The following GORAB variants were observed in gnomAD, a reference collection of about 807,000 sequenced individuals.
GORAB encodes the protein RAB6-interacting golgin.
A neutral mutation model predicts 29.9 loss-of-function variants in GORAB; 17 were observed. The observed-to-expected ratio is 0.57, with a 90% CI of 0.39 to 0.85. The LOEUF (loss-of-function observed/expected upper bound fraction) is 0.85. GORAB is among the 40% of genes least tolerant of loss of function. The probability of loss-of-function intolerance (pLI) is 0.00; values close to 1 mark genes in which losing one functional copy is unlikely to be tolerated. For missense variants in GORAB, 442 were observed against 437.8 expected (o/e 1.01, Z -0.09); for synonymous variants, 183 against 157.2 (o/e 1.16, Z -1.23).
intron 3 of GORAB, 98 bp downstream of exon 3, chr1:170,542,690 T>G (rs949738906): frequency 4.7e-6 from 4 of 843,064 alleles, no homozygotes; most frequent in Non-Finnish European, 8.3e-6. Context: ...AAACTGATAT[T>G]TTTTCTTCAA....
At chr1:170,551,881 T>C in intron 4 of GORAB, 134 bp from the exon 5 acceptor site, 2 of 762,384 alleles carry the variant, frequency 2.6e-6, no homozygotes, top group Non-Finnish European at 2.2e-6. Flanking sequence ...CAAGTGTTTG[T>C]AAAGTAGTAA....
chr1:170,545,168 A>G, intron 4 of GORAB: 1 of 1,032,010 alleles, frequency 9.7e-7, no homozygotes. Flanking sequence ...TAGCAAAGTA[A>G]ATATCTGAGT....
At chr1:170,544,981 T>G in intron 4 of GORAB, 136 bp downstream of exon 4, 4 of 1,412,618 alleles carry the variant, frequency 2.8e-6, no homozygotes, top group Non-Finnish European at 3.7e-6. Flanking sequence ...TATTCTTCTT[T>G]TGTGCTAATT....
chr1:170,541,739 T>A (rs1305989368), intron 2 of GORAB, among the ~76,000 whole-genome samples: 3 of 152,180 alleles, frequency 2.0e-5, no homozygotes, highest in African/African-American at 7.2e-5. Context: ...TGTAAGACAA[T>A]ACATGTTTTC....
At chr1:170,534,870 G>T (rs1169407408) in intron 1 of GORAB, among the ~76,000 whole-genome samples, 1 of 152,166 alleles carries the variant, frequency 6.6e-6, no homozygotes, top group Non-Finnish European at 1.5e-5. Context: ...GTGGGGAGGC[G>T]TGGGAATGTG....
In GORAB at chr1:170,552,207, T is replaced by G. The variant is rs771808475; in HGVS notation, c.855T>G (p.Leu285=). The G allele has an allele frequency of 7.4e-6, 12 of 1,613,850 alleles. No homozygotes were observed. The highest frequency in any genetic ancestry group is 9.3e-6 in the Non-Finnish European group (11 of 1,179,956). The change falls in exon 5 of 5, where the codon CTT becomes CTG. Residue 285 remains leucine (L), a synonymous_variant. Coordinates refer to ENST00000367763, the MANE Select transcript of GORAB (RefSeq NM_152281.3). ...DVEADEETLE[L]EVEVERLLHE... ...AAGCCGATGAAGAGACTTTGGAGCT[T>G]GAGGTGGAGGTCGAGAGATTGCTAC...
rs1303593589 is a variant in GORAB, at chr1:170,539,460, A to C, written c.312A>C (p.Glu104Asp). Reference protein sequence around the residue: ...PVGDGQPQGIESQPKELGLEN... With the variant: ...PVGDGQPQGIDSQPKELGLEN... Reference sequence around the variant, plus strand: ...GTGATGGACAACCACAGGGCATTGAAAGTCAGCCAAAGGAACTGGGACTTG... The same window carrying C: ...GTGATGGACAACCACAGGGCATTGACAGTCAGCCAAAGGAACTGGGACTTG... Residue 104 changes from glutamate to aspartate, a missense_variant, in exon 2 of 5, where the codon GAA (glutamate) becomes GAC (aspartate). Transcript: ENST00000367763. The C allele has an allele frequency of 6.2e-7, 1 of 1,614,112 alleles. No homozygotes were observed. Among genetic ancestry groups the C allele is most frequent in the Non-Finnish European group, 8.5e-7 (1 of 1,179,992 alleles).
intron 1 of GORAB, among the ~76,000 whole-genome samples, chr1:170,538,368 C>T (rs1649182755): frequency 6.6e-6 from 1 of 152,170 alleles, no homozygotes. Context: ...CTTCACTTCC[C>T]AGGCATTTAA....
At chr1:170,546,128 C>T (rs1225812533) in intron 4 of GORAB, among the ~76,000 whole-genome samples, 4 of 152,158 alleles carry the variant, frequency 2.6e-5, no homozygotes, top group African/African-American at 4.8e-5. Context: ...CGGTGGCTCA[C>T]GCCTGTAATC....
chr1:170,534,789 A>G (rs904315734), intron 1 of GORAB, among the ~76,000 whole-genome samples: 1 of 152,166 alleles, frequency 6.6e-6, no homozygotes, highest in South Asian at 2.1e-4. Flanking sequence ...ATGTTTGCGC[A>G]AGGACAAAAT....
Position 170,552,042 on chromosome 1 carries a change from G to A in GORAB, c.690G>A (p.Glu230=), listed in dbSNP as rs763766303. The A allele has an allele frequency of 7.4e-6, 12 of 1,614,020 alleles. 1 individual carries two copies. The East Asian group carries it at 2.7e-4, about 36-fold the overall frequency. The part of the protein sequence containing the change: ...ARKRFDRAEA[E]YIAAKLDIQR... ...AGCGGTTTGACAGGGCTGAAGCAGA[G>A]TACATTGCAGCAAAGCTAGATATAC... Residue 230 remains glutamate, a synonymous_variant, in exon 5 of 5, where the codon GAG becomes GAA. Coordinates refer to ENST00000367763, the MANE Select transcript of GORAB (RefSeq NM_152281.3).
At chr1:170,541,126 C>A (rs566407962) in intron 2 of GORAB, among the ~76,000 whole-genome samples, 1 of 148,440 alleles carries the variant, frequency 6.7e-6, no homozygotes, top group Non-Finnish European at 1.5e-5. Flanking sequence ...ATTGCTTGAA[C>A]CTGGGAGGTG....
chr1:170,545,072 T>C (rs1278828539), intron 4 of GORAB: 3 of 1,220,240 alleles, frequency 2.5e-6, no homozygotes, highest in African/African-American at 1.5e-5. Flanking sequence ...GAGCAGTTCT[T>C]GCATTATTTA....
chr1:170,532,292 G>A lies in GORAB; in HGVS notation c.61+8G>A, dbSNP rs1433411240. On this transcript the variant is annotated splice_region_variant and intron_variant, in intron 1 of 4. Coordinates refer to ENST00000367763, the MANE Select transcript of GORAB (RefSeq NM_152281.3). ...GACTAAAGCAGACTAAAGGTTACAA[G>A]ATGGGTTTACAGTGGTTTAATTCTT... 1.2e-6 allele frequency: 2 copies of A among 1,613,880 alleles called. No individual in the cohort carries two copies. Among genetic ancestry groups the A allele is most frequent in the Non-Finnish European group, 1.7e-6 (2 of 1,179,894 alleles).
rs918323975 is a variant in GORAB at position 170,545,004 on chromosome 1, C to T, written c.662+159C>T. 3.4e-5 allele frequency: 46 copies of T among 1,368,996 alleles called. No homozygotes were observed. The African/African-American group carries it at 6.1e-4, about 18-fold the overall frequency. The allele number at this position is 1,368,996 out of a possible 1,614,324, so 84.8% of individuals were successfully genotyped here. On this transcript the variant is annotated intron_variant, in intron 4 of 4. Transcript: ENST00000367763. ...TTTTGTGCTAATTCAAGTGTCTCCTCTTCAGTGAAGTCTTCCTTAACTCTG... is the reference window on the plus strand; with the variant it reads ...TTTTGTGCTAATTCAAGTGTCTCCTTTTCAGTGAAGTCTTCCTTAACTCTG...
At chr1:170,542,732 T>C in intron 3 of GORAB, 140 bp downstream of exon 3, 1 of 729,930 alleles carries the variant, frequency 1.4e-6, no homozygotes, top group South Asian at 1.5e-5. Flanking sequence ...AAACAAATTA[T>C]GCTTTATAAG....
rs780332229 is a variant in GORAB at position 170,544,831 on chromosome 1, C to G, written c.648C>G (p.Asp216Glu). Residue 216 changes from aspartate to glutamate, a missense_variant, in exon 4 of 5, where the codon GAC (aspartate) becomes GAG (glutamate). Physicochemically the swap from Asp to Glu is conservative, Grantham distance 45. Transcript: ENST00000367763. ...LRNRIDQASL[D>E]YSYARKRFDR... ...ACCGGATTGATCAGGCCAGCTTAGACTATTCATACGCTCGGTGAGTTGGGG... is the reference window on the plus strand; with the variant it reads ...ACCGGATTGATCAGGCCAGCTTAGAGTATTCATACGCTCGGTGAGTTGGGG... 1.9e-5 allele frequency: 30 copies of G among 1,612,252 alleles called. No individual in the cohort carries two copies. Among genetic ancestry groups the G allele is most frequent in the Non-Finnish European group, 2.5e-5 (30 of 1,178,646 alleles).
rs1227567732 is a variant in GORAB at position 170,553,149 on chromosome 1, C to G, written c.*687C>G. ...GTAATTTTACTATTTTATTGTCTTT[C>G]CTTTAATCGATGAATTGATTAAATT... On this transcript the variant is annotated 3_prime_UTR_variant, in exon 5 of 5. Transcript: ENST00000367763. 1 of 434,734 alleles carries G rather than the reference C, an allele frequency of 2.3e-6. No homozygotes were observed. Among genetic ancestry groups the G allele is most frequent in the Non-Finnish European group, 4.6e-6 (1 of 219,718 alleles). The allele number at this position is 434,734 out of a possible 1,614,324, so 26.9% of individuals were successfully genotyped here. A position where few individuals can be genotyped will look rare whatever the true frequency, so the allele number is the denominator to read the frequency against.
At chr1:170,542,985 A>G (rs1649528238) in intron 3 of GORAB, among the ~76,000 whole-genome samples, 1 of 152,182 alleles carries the variant, frequency 6.6e-6, no homozygotes, top group African/African-American at 2.4e-5. Context: ...AAGGTTTTCT[A>G]CATAAGTGAC....
Sources: gnomAD v4.1 joint callset for allele counts (sites outside exome capture counted in the v4.1 genomes callset) on GRCh38, gnomAD v4.1.1 for gene constraint, MANE v1.5 for transcripts, NCBI Gene and HGNC (gene_info 2026-07-23, HGNC 2026-07-21) for gene names.